The following DNASE1 variants were observed in gnomAD, a reference collection of about 807,000 sequenced individuals.
DNASE1 encodes deoxyribonuclease-1.
DNASE1 carries 40 observed loss-of-function variants against 33.9 expected under a neutral mutation model. That is an observed-to-expected ratio of 1.18 (90% CI 0.92 to 1.54). The LOEUF (loss-of-function observed/expected upper bound fraction) is 1.54. Ranked by LOEUF, DNASE1 falls within the 40% of genes most tolerant of loss-of-function variation. DNASE1 has a pLI of 0.00. For missense variants in DNASE1, 518 were observed against 372.6 expected (o/e 1.39, Z -3.21); for synonymous variants, 216 against 160.0 (o/e 1.35, Z -2.64).
Position 3,645,513 on chromosome 16 carries a change from C to T in DNASE1, c.-86+2477C>T, listed in dbSNP as rs10468321. Reference sequence around the variant, plus strand: ...AGAAAGTGGCTTTTTAGACAAACTTCTTTTCATTTGCATCTCTCCTCAAAG... The same window carrying T: ...AGAAAGTGGCTTTTTAGACAAACTTTTTTTCATTTGCATCTCTCCTCAAAG... On this transcript the variant is annotated intron_variant, in intron 1 of 9. Transcript: ENST00000407479. Among the ~76,000 whole-genome samples, 857 of 152,344 alleles carry T rather than the reference C, an allele frequency of 5.6e-3. 5 individuals carry two copies. The highest frequency in any genetic ancestry group is 0.019 in the African/African-American group (773 of 41,572).
At chr16:3,663,181 C>G in exon 10 of DNASE1, 2 of 660,218 alleles carry the variant, frequency 3.0e-6, no homozygotes, top group Middle Eastern at 8.3e-4. Context: ...AAAAAATACA[C>G]AGCCTCTCAA....
chr16:3,614,725 G>A (rs1397937819), intron 1 of DNASE1, among the ~76,000 whole-genome samples: 1 of 152,156 alleles, frequency 6.6e-6, no homozygotes, highest in East Asian at 1.9e-4. Flanking sequence ...TTAGACCTGG[G>A]AGAGGCAGTC....
At chr16:3,661,719 C>A (rs887834317), downstream of DNASE1, 1 of 388,904 alleles carries the variant, frequency 2.6e-6, no homozygotes, top group South Asian at 1.1e-4. Flanking sequence ...AGGACACGCA[C>A]AGGTGGCAAA....
intron 1 of DNASE1, among the ~76,000 whole-genome samples, chr16:3,628,308 TTC>T: frequency 6.6e-6 from 1 of 152,314 alleles, no homozygotes; most frequent in East Asian, 1.9e-4. Context: ...GCTTTGCTGA[TTC>T]TGTTATTGTA....
chr16:3,646,819 C>T (rs1335061724), intron 1 of DNASE1, among the ~76,000 whole-genome samples: 1 of 151,984 alleles, frequency 6.6e-6, no homozygotes, highest in Admixed American at 6.6e-5. Flanking sequence ...ATCTGGAGGA[C>T]GTGCAGGCTC....
rs1199571324 is a variant in DNASE1 at position 3,656,951 on chromosome 16, A to AACCTGCCC, written c.437-47_437-40dup. 4 of 1,599,172 alleles carry AACCTGCCC rather than the reference A, an allele frequency of 2.5e-6. No homozygotes were observed. The Admixed American group carries it at 7.0e-5, about 28-fold the overall frequency. ...ATAGTTCCAGCTGACATGGTGACTG[A>AACCTGCCC]ACCTGCCCCCAGGGAGTGTGCCTCA... On this transcript the variant is annotated intron_variant, in intron 5 of 8. Coordinates refer to ENST00000246949, the MANE Select transcript of DNASE1 (RefSeq NM_005223.4).
At chr16:3,630,182 T>C (rs929707060) in intron 1 of DNASE1, among the ~76,000 whole-genome samples, 1 of 151,876 alleles carries the variant, frequency 6.6e-6, no homozygotes, top group East Asian at 1.9e-4. Flanking sequence ...TTTGTTGTTT[T>C]TGTTGTTGTT....
At chr16:3,633,600 C>G (rs892242562) in intron 1 of DNASE1, among the ~76,000 whole-genome samples, 2 of 149,030 alleles carry the variant, frequency 1.3e-5, no homozygotes, top group African/African-American at 2.5e-5. Context: ...AAGAGCGAGA[C>G]TCCATCTCAA....
intron 1 of DNASE1, among the ~76,000 whole-genome samples, chr16:3,624,609 C>G (rs1411210067): frequency 1.3e-5 from 2 of 152,214 alleles, no homozygotes; most frequent in African/African-American, 4.8e-5. Context: ...AACATCTAGA[C>G]AGGCAAAGCC....
exon 10 of DNASE1, chr16:3,664,583 G>A (rs1253606264): frequency 8.4e-6 from 9 of 1,075,340 alleles, no homozygotes; most frequent in Admixed American, 2.9e-5. Flanking sequence ...CCTGACCCGA[G>A]GGACGGTAGT....
At chr16:3,662,299 C>T, downstream of DNASE1, 1 of 813,046 alleles carries the variant, frequency 1.2e-6, no homozygotes, top group South Asian at 1.9e-5. Context: ...AACTTGTGGG[C>T]CCTGAGCTGA....
chr16:3,661,615 A>G (rs56048917), downstream of DNASE1: 1,414 of 209,264 alleles, frequency 6.8e-3, 25 homozygotes, highest in African/African-American at 0.03. Context: ...GCCCCTCTGC[A>G]TGGGCAACCC....
intron 1 of DNASE1, among the ~76,000 whole-genome samples, chr16:3,630,357 C>G (rs963984068): frequency 1.3e-5 from 2 of 151,840 alleles, no homozygotes; most frequent in Non-Finnish European, 2.9e-5. Context: ...AATTTTTGTA[C>G]TTTTTTGTAG....
chr16:3,663,466 C>T (rs772131406), exon 10 of DNASE1: 31 of 1,614,162 alleles, frequency 1.9e-5, no homozygotes, highest in African/African-American at 4.0e-5. Context: ...TAGTGATCCA[C>T]GACTATGTCC....
intron 1 of DNASE1, among the ~76,000 whole-genome samples, chr16:3,630,285 G>A (rs1408301661): frequency 6.6e-6 from 1 of 152,002 alleles, no homozygotes; most frequent in Non-Finnish European, 1.5e-5. Context: ...GGCTCAAAAC[G>A]ATCTTCCCAC....
intron 1 of DNASE1, among the ~76,000 whole-genome samples, chr16:3,623,578 T>G (rs1050557726): frequency 1.3e-5 from 2 of 152,060 alleles, no homozygotes; most frequent in South Asian, 4.1e-4. Context: ...AAATTAAGCC[T>G]CTGGCAAAGG....
intron 1 of DNASE1, among the ~76,000 whole-genome samples, chr16:3,627,154 A>G (rs1356336439): frequency 6.6e-6 from 1 of 151,924 alleles, no homozygotes; most frequent in African/African-American, 2.4e-5. Context: ...TACAGGCGTG[A>G]GCCACTGCAC....
At chr16:3,663,020 T>G, downstream of DNASE1, 1 of 1,432,196 alleles carries the variant, frequency 7.0e-7, no homozygotes, top group Non-Finnish European at 9.5e-7. Context: ...ACTCCCCGGC[T>G]TCCATGGGGG....
Position 3,619,575 on chromosome 16 carries a change from A to C in DNASE1, c.-1359+7569A>C, listed in dbSNP as rs1434932782. 2.1e-5 allele frequency among the ~76,000 whole-genome samples: 3 copies of C among 143,286 alleles called. No homozygotes were observed. The East Asian group carries it at 6.6e-4, about 31-fold the overall frequency. The allele number at this position is 143,286 out of a possible 152,430, so 94.0% of individuals were successfully genotyped here. ...ACAGGGTTTCACCGTGTTAGCCAGG[A>C]TGGTCTCTATCTGCGGACCTTGTGA... On this transcript the variant is annotated intron_variant and NMD_transcript_variant, in intron 1 of 11. Coordinates refer to the DNASE1 transcript ENST00000570769.
Sources: gnomAD v4.1 joint callset for allele counts (sites outside exome capture counted in the v4.1 genomes callset) on GRCh38, gnomAD v4.1.1 for gene constraint, MANE v1.5 for transcripts, NCBI Gene and HGNC (gene_info 2026-07-23, HGNC 2026-07-21) for gene names.